CAMK4: variants seen among roughly 807,000 people sequenced by gnomAD.
CAMK4 encodes the protein calcium/calmodulin-dependent protein kinase type IV.
Under a neutral mutation model 44.9 loss-of-function variants are expected in CAMK4, and 22 were observed. The observed-to-expected ratio is 0.49, with a 90% confidence interval of 0.35 to 0.70. The LOEUF (loss-of-function observed/expected upper bound fraction) is 0.70, where lower values mean the gene tolerates loss of function less well. CAMK4 is among the 30% of genes least tolerant of loss of function. The pLI is 0.01. For missense variants in CAMK4, 498 were observed against 586.8 expected, an observed-to-expected ratio of 0.85 and a Z score of 1.56; for synonymous variants, 218 against 215.4, an observed-to-expected ratio of 1.01 and a Z score of -0.11.
intron 3 of CAMK4, among the ~76,000 whole-genome samples, chr5:111,375,222 G>A (rs143557661): frequency 3.3e-5 from 5 of 152,200 alleles, no homozygotes; most frequent in African/African-American, 9.6e-5. Flanking sequence ...TCCTTCTTTT[G>A]TGTGCCTATC....
At chr5:111,252,276 T>A (rs1189218563) in intron 1 of CAMK4, among the ~76,000 whole-genome samples, 1 of 152,188 alleles carries the variant, frequency 6.6e-6, no homozygotes, top group East Asian at 1.9e-4. Context: ...TTGGCTGCTG[T>A]AGTATCATCC....
intron 1 of CAMK4, among the ~76,000 whole-genome samples, chr5:111,294,380 A>G (rs1024060482): frequency 3.3e-5 from 5 of 152,230 alleles, no homozygotes; most frequent in Admixed American, 2.6e-4. Context: ...TACTTTGCAC[A>G]TACACATGTG....
At chr5:111,248,961 G>T (rs952733) in intron 1 of CAMK4, among the ~76,000 whole-genome samples, 1 of 149,042 alleles carries the variant, frequency 6.7e-6, no homozygotes, top group Non-Finnish European at 1.5e-5. Context: ...TATTGCGGGG[G>T]CGGTGTGTGG....
At position 111,253,627 on chromosome 5, in the gene CAMK4, A is replaced by G. The variant is rs1034449086; in HGVS notation, c.161+28983A>G. Among the ~76,000 whole-genome samples, 10 of 152,340 alleles carry G rather than the reference A, an allele frequency of 6.6e-5. No homozygotes were observed. In the East Asian group the frequency reaches 9.7e-4, roughly 15 times the overall value. On this transcript the variant is annotated intron_variant, in intron 1 of 10. Transcript: ENST00000282356. ...AGAGAACAGAAATGAACAAATGTACATGGTGCATTTGCTAAAATGCTTAGC... is the reference window on the plus strand; with the variant it reads ...AGAGAACAGAAATGAACAAATGTACGTGGTGCATTTGCTAAAATGCTTAGC...
chr5:111,340,931 T>G (rs180751737), intron 1 of CAMK4, among the ~76,000 whole-genome samples: 265 of 151,278 alleles, frequency 1.8e-3, no homozygotes, highest in African/African-American at 6.0e-3. Context: ...TCTTCATTAT[T>G]CAGTCTTGGT....
At chr5:111,439,267 A>G (rs1007062414) in intron 5 of CAMK4, among the ~76,000 whole-genome samples, 9 of 152,158 alleles carry the variant, frequency 5.9e-5, no homozygotes, top group African/African-American at 2.2e-4. Context: ...GGCAGTGCGA[A>G]GCAGGGACTG....
chr5:111,241,107 G>A, intron 1 of CAMK4, among the ~76,000 whole-genome samples: 1 of 150,696 alleles, frequency 6.6e-6, no homozygotes, highest in East Asian at 1.9e-4. Flanking sequence ...ATTTTTATTT[G>A]AATAATAATA....
chr5:111,482,381 A>T lies in CAMK4; in HGVS notation c.829-404A>T, dbSNP rs1187319876. 6.5e-6 allele frequency: 1 copy of T among 154,954 alleles called. No individual in the cohort carries two copies. Among genetic ancestry groups the T allele is most frequent in the African/African-American group, 2.4e-5 (1 of 41,568 alleles). 9.6% of individuals were successfully genotyped at this position (154,954 alleles called of 1,614,324 possible). On this transcript the variant is annotated intron_variant, in intron 9 of 10. Transcript: ENST00000282356. This position sits in a 1 kb window ranked among gnomAD's most constrained non-coding sequence, Gnocchi z 4.9. ...CCATTTAATCCCCACAGAAAGAATG[A>T]TGATGCATGAATGATTCCATTCTGT...
chr5:111,281,618 A>G (rs1751021779), intron 1 of CAMK4, among the ~76,000 whole-genome samples: 1 of 152,206 alleles, frequency 6.6e-6, no homozygotes, highest in African/African-American at 2.4e-5. Context: ...TAATGAGAAG[A>G]TTATCAAGAG....
intron 1 of CAMK4, among the ~76,000 whole-genome samples, chr5:111,337,634 A>G (rs1749463130): frequency 6.6e-6 from 1 of 150,948 alleles, no homozygotes; most frequent in Admixed American, 6.6e-5. Flanking sequence ...CTTTCAGACT[A>G]GGTGGTCTTC....
chr5:111,325,783 G>A (rs1748859910), intron 1 of CAMK4, among the ~76,000 whole-genome samples: 1 of 151,484 alleles, frequency 6.6e-6, no homozygotes. Context: ...TTAGACCTTT[G>A]TCAGATGGAC....
At chr5:111,404,187 A>G (rs187982097) in intron 5 of CAMK4, among the ~76,000 whole-genome samples, 2 of 152,326 alleles carry the variant, frequency 1.3e-5, no homozygotes, top group Non-Finnish European at 2.9e-5. Flanking sequence ...GTCTTAACAT[A>G]TGCATATTGA....
rs1384856503 is a variant in CAMK4, at chr5:111,493,542, T to C, written c.*9076T>C. The C allele has an allele frequency of 6.6e-6, 1 of 152,198 alleles. No homozygotes were observed. Among genetic ancestry groups the C allele is most frequent in the East Asian group, 1.9e-4 (1 of 5,198 alleles). 9.4% of individuals were successfully genotyped at this position (152,198 alleles called of 1,614,324 possible). ...ATAGGCAATCCCCCAGGATTTCTGA[T>C]TGAATTCTACCTGAAAGTTTAGATT... On this transcript the variant is annotated 3_prime_UTR_variant, in exon 11 of 11. Coordinates refer to ENST00000282356, the MANE Select transcript of CAMK4 (RefSeq NM_001744.6). The surrounding 1 kb of genome is among the most constrained non-coding windows in gnomAD (Gnocchi z 4.1).
At chr5:111,437,361 A>C (rs1248492284) in intron 5 of CAMK4, among the ~76,000 whole-genome samples, 1 of 152,260 alleles carries the variant, frequency 6.6e-6, no homozygotes, top group Non-Finnish European at 1.5e-5. Flanking sequence ...GTAGAACAAT[A>C]TGTGCATCTA....
chr5:111,392,753 A>G (rs570807774), intron 4 of CAMK4, among the ~76,000 whole-genome samples: 37 of 152,240 alleles, frequency 2.4e-4, no homozygotes, highest in African/African-American at 8.7e-4. Context: ...TAACATGTAA[A>G]ATTAGAAAAA....
At chr5:111,427,304 C>T (rs943796324) in intron 5 of CAMK4, among the ~76,000 whole-genome samples, 1 of 152,172 alleles carries the variant, frequency 6.6e-6, no homozygotes, top group African/African-American at 2.4e-5. Context: ...GTATTCATCA[C>T]CTGCTAACGG....
intron 2 of CAMK4, among the ~76,000 whole-genome samples, chr5:111,358,410 T>C (rs1373280954): frequency 6.6e-6 from 1 of 152,040 alleles, no homozygotes; most frequent in Admixed American, 6.6e-5. Flanking sequence ...TGTGAGAATA[T>C]GTCACAGGAT....
Position 111,493,787 on chromosome 5 carries a change from A to T in CAMK4, c.*9321A>T, listed in dbSNP as rs1167042266. 1 of 152,162 alleles carries T rather than the reference A, an allele frequency of 6.6e-6. No homozygotes were observed. Among genetic ancestry groups the T allele is most frequent in the Admixed American group, 6.5e-5 (1 of 15,270 alleles). The allele number at this position is 152,162 out of a possible 1,614,324, so 9.4% of individuals were successfully genotyped here. On this transcript the variant is annotated 3_prime_UTR_variant, in exon 11 of 11. Transcript: ENST00000282356. This position sits in a 1 kb window ranked among gnomAD's most constrained non-coding sequence, Gnocchi z 4.1. ...CTTGGGAGACATTTAGACATTTAGTATGTGTACTTTTAGTTGTCTTGCCTC... is the reference window on the plus strand; with the variant it reads ...CTTGGGAGACATTTAGACATTTAGTTTGTGTACTTTTAGTTGTCTTGCCTC...
chr5:111,346,274 C>T (rs1480730427), intron 2 of CAMK4, among the ~76,000 whole-genome samples: 3 of 151,898 alleles, frequency 2.0e-5, no homozygotes, highest in Non-Finnish European at 4.4e-5. Flanking sequence ...CAAAAGGGTT[C>T]AGAAAACTTG....
Sources: allele counts gnomAD v4.1 joint callset (sites outside exome capture counted in the v4.1 genomes callset), GRCh38; gene constraint gnomAD v4.1.1; non-coding constraint Gnocchi (gnomAD v3.1); transcripts MANE v1.5; gene names NCBI Gene and HGNC (gene_info 2026-07-23, HGNC 2026-07-21).